The following SLC4A5 variants were observed in gnomAD, a reference collection of about 807,000 sequenced individuals.
The protein encoded by SLC4A5 is solute carrier family 4 member 5.
A neutral mutation model predicts 120.4 loss-of-function variants in SLC4A5; 96 were observed. The observed-to-expected ratio is 0.80, with a 90% CI of 0.68 to 0.94. The LOEUF (loss-of-function observed/expected upper bound fraction) is 0.94. Ranked by LOEUF, SLC4A5 falls within the 40% of genes least tolerant of loss-of-function variation. The probability of loss-of-function intolerance (pLI) is 0.00; values close to 1 mark genes in which losing one functional copy is unlikely to be tolerated. For synonymous variants in SLC4A5, 550 were observed against 571.1 expected, an observed-to-expected ratio of 0.96 and a Z score of 0.53; for missense variants, 1,259 against 1,459.5, an observed-to-expected ratio of 0.86 and a Z score of 2.24.
intron 13 of SLC4A5, among the ~76,000 whole-genome samples, 156 bp from the exon 14 acceptor site, chr2:74,254,862 C>A (rs572172741): frequency 1.3e-5 from 2 of 151,010 alleles, no homozygotes; most frequent in Non-Finnish European, 2.9e-5. Context: ...ATCACCCAGG[C>A]TGCATGGAGT....
intron 5 of SLC4A5, among the ~76,000 whole-genome samples, chr2:74,317,352 GTT>G (rs34429934): frequency 0.082 from 12,370 of 150,630 alleles, 1,642 homozygotes; most frequent in African/African-American, 0.28. Flanking sequence ...GGAACAGATA[GTT>G]TTTTTTTTAA....
chr2:74,255,322 T>C lies in SLC4A5; in HGVS notation c.1025+453A>G, dbSNP rs1670927723. ...TTTATTTTTTTTCTGAGACGCAGTC[T>C]TGCTCTGTTGCCCAGGCTGGGGTGC... On this transcript the variant is annotated intron_variant, in intron 13 of 30. Transcript: ENST00000394019. This position sits in a 1 kb window ranked among gnomAD's most constrained non-coding sequence, Gnocchi z 4.0. Among the ~76,000 whole-genome samples, 1 of 152,212 alleles carries C rather than the reference T, an allele frequency of 6.6e-6. No homozygotes were observed. The highest frequency in any genetic ancestry group is 1.5e-5 in the Non-Finnish European group (1 of 68,048).
In SLC4A5 at chr2:74,255,735, A is replaced by G. The variant is rs769619471; in HGVS notation, c.1025+40T>C. The G allele has an allele frequency of 9.3e-6, 15 of 1,610,364 alleles. No homozygotes were observed. The Admixed American group carries it at 2.2e-4, about 23-fold the overall frequency. Reference sequence around the variant, plus strand: ...TTGCTGACTGCACTGCTGACTGGCTACCTGAGAGTGGCGTGGGGACAGGTT... The same window carrying G: ...TTGCTGACTGCACTGCTGACTGGCTGCCTGAGAGTGGCGTGGGGACAGGTT... On this transcript the variant is annotated intron_variant, in intron 13 of 30. Coordinates refer to ENST00000394019, the Ensembl canonical transcript of SLC4A5. The surrounding 1 kb of genome is among the most constrained non-coding windows in gnomAD (Gnocchi z 4.0).
chr2:74,245,654 T>C (rs1176910958), intron 19 of SLC4A5, among the ~76,000 whole-genome samples: 1 of 152,216 alleles, frequency 6.6e-6, no homozygotes, highest in Non-Finnish European at 1.5e-5. Context: ...GAAAAAAGTC[T>C]GGACTTCTTT....
At chr2:74,243,121 T>C (rs145980299) in intron 19 of SLC4A5, among the ~76,000 whole-genome samples, 10 of 152,228 alleles carry the variant, frequency 6.6e-5, no homozygotes, top group East Asian at 1.9e-4. Context: ...CTGCATTCCT[T>C]GCTGGGTACT....
At position 74,336,054 on chromosome 2, in the gene SLC4A5, G is replaced by A. The variant is rs1334797066; in HGVS notation, c.-220-1877C>T. 2.0e-5 allele frequency among the ~76,000 whole-genome samples: 3 copies of A among 152,012 alleles called. No homozygotes were observed. In the East Asian group the frequency reaches 5.8e-4, roughly 29 times the overall value. ...ATTAATCCTCACAGCAACCTCAAGA[G>A]GTCATTTCATTTATTTATTTATTTA... On this transcript the variant is annotated intron_variant, in intron 3 of 30. Coordinates refer to ENST00000394019, the Ensembl canonical transcript of SLC4A5.
At chr2:74,336,549 G>A (rs74659689) in intron 3 of SLC4A5, among the ~76,000 whole-genome samples, 1,652 of 152,222 alleles carry the variant, frequency 0.011, 10 homozygotes, top group Non-Finnish European at 0.02. Flanking sequence ...ATGAAACATT[G>A]AGAGCAGTGC....
intron 20 of SLC4A5, among the ~76,000 whole-genome samples, chr2:74,240,000 A>C (rs898482862): frequency 5.5e-4 from 82 of 149,552 alleles, no homozygotes; most frequent in African/African-American, 1.8e-3. Flanking sequence ...CACAACAGTG[A>C]ATTTTTATAT....
At chr2:74,297,870 A>G (rs1012628077) in intron 7 of SLC4A5, among the ~76,000 whole-genome samples, 42 of 152,176 alleles carry the variant, frequency 2.8e-4, no homozygotes, top group Non-Finnish European at 5.7e-4. Flanking sequence ...ATTATTTCCT[A>G]CCTATCTATT....
chr2:74,329,164 G>A (rs1673288965), intron 4 of SLC4A5, among the ~76,000 whole-genome samples: 1 of 152,210 alleles, frequency 6.6e-6, no homozygotes, highest in Non-Finnish European at 1.5e-5. Context: ...CAGTAAAACG[G>A]TGGCAATGTA....
exon 31 of SLC4A5, chr2:74,218,135 T>C (rs919608692): frequency 2.0e-5 from 3 of 152,158 alleles, no homozygotes; most frequent in East Asian, 1.9e-4. Flanking sequence ...CCTTAGGAAA[T>C]TGGATGTGAC....
chr2:74,271,041 C>T (rs1484862955), intron 8 of SLC4A5, among the ~76,000 whole-genome samples: 2 of 152,184 alleles, frequency 1.3e-5, no homozygotes, highest in African/African-American at 2.4e-5. Flanking sequence ...CAGTGTGCCT[C>T]AAACTCTAAT....
intron 19 of SLC4A5, among the ~76,000 whole-genome samples, chr2:74,245,106 G>A (rs1670568829): frequency 6.6e-6 from 1 of 152,142 alleles, no homozygotes; most frequent in South Asian, 2.1e-4. Flanking sequence ...AGATCACGAG[G>A]TCAAGAGATC....
chr2:74,313,026 T>G (rs1187841470), intron 6 of SLC4A5, among the ~76,000 whole-genome samples: 1 of 151,928 alleles, frequency 6.6e-6, no homozygotes, highest in Non-Finnish European at 1.5e-5. Context: ...CTTTTTTTTT[T>G]TTTAATCTTC....
At position 74,241,984 on chromosome 2, in the gene SLC4A5, A is replaced by G; in HGVS notation, c.2118+10T>C. The G allele has an allele frequency of 6.2e-7, 1 of 1,601,010 alleles. No individual in the cohort carries two copies. The highest frequency in any genetic ancestry group is 8.5e-7 in the Non-Finnish European group (1 of 1,171,452). ...CACTCAAATGTCTAACATAAGAGGA[A>G]AGGACTTACCAGAGAAGCGTTGGTG... On this transcript the variant is annotated intron_variant, in intron 20 of 30. Transcript: ENST00000394019.
chr2:74,243,187 G>A (rs558168454), intron 19 of SLC4A5, among the ~76,000 whole-genome samples: 84 of 152,178 alleles, frequency 5.5e-4, no homozygotes, highest in Non-Finnish European at 8.1e-4. Flanking sequence ...ACGGTCTACA[G>A]GGAGAGTTTC....
At chr2:74,224,560 C>CTGTG (rs921475925) in intron 28 of SLC4A5, among the ~76,000 whole-genome samples, 1 of 152,206 alleles carries the variant, frequency 6.6e-6, no homozygotes, top group Non-Finnish European at 1.5e-5. Context: ...GCTGTGATCA[C>CTGTG]GGCCGTAAAG....
Position 74,242,062 on chromosome 2 carries a change from A to G in SLC4A5, c.2060-10T>C. Reference sequence around the variant, plus strand: ...AACACGGTTGTATTCACTGTGGATGAGCACATGACACGGGGCAGGGTCAGC... The same window carrying G: ...AACACGGTTGTATTCACTGTGGATGGGCACATGACACGGGGCAGGGTCAGC... On this transcript the variant is annotated splice_polypyrimidine_tract_variant and intron_variant, in intron 19 of 30. Coordinates refer to ENST00000394019, the Ensembl canonical transcript of SLC4A5. 6.2e-7 allele frequency: 1 copy of G among 1,602,668 alleles called. No homozygotes were observed. The highest frequency in any genetic ancestry group is 8.5e-7 in the Non-Finnish European group (1 of 1,172,500).
At chr2:74,309,761 T>C (rs528536678) in intron 6 of SLC4A5, among the ~76,000 whole-genome samples, 2 of 151,782 alleles carry the variant, frequency 1.3e-5, no homozygotes, top group African/African-American at 4.8e-5. Context: ...GTTCACGCCA[T>C]TCTCCTGCCT....
Sources: allele counts gnomAD v4.1 joint callset (sites outside exome capture counted in the v4.1 genomes callset), GRCh38; gene constraint gnomAD v4.1.1; non-coding constraint Gnocchi (gnomAD v3.1); transcripts MANE v1.5; gene names NCBI Gene and HGNC (gene_info 2026-07-23, HGNC 2026-07-21).